The following DYNC1H1 variants were observed in gnomAD, a reference collection of about 807,000 sequenced individuals.
The protein encoded by DYNC1H1 is cytoplasmic dynein 1 heavy chain 1.
A neutral mutation model predicts 527.1 loss-of-function variants in DYNC1H1; 51 were observed. The ratio of observed to expected loss-of-function variants is 0.10; its 90% CI spans 0.08 to 0.12. The LOEUF is 0.12. Ranked by LOEUF, DYNC1H1 falls within the 10% of genes least tolerant of loss-of-function variation. The probability of loss-of-function intolerance (pLI) is 1.00; values close to 1 mark genes in which losing one functional copy is unlikely to be tolerated. For missense variants in DYNC1H1, 2,771 were observed against 5,971.8 expected (o/e 0.46, Z 17.66); for synonymous variants, 2,189 against 2,278.8 (o/e 0.96, Z 1.12).
rs756073959 is a variant in DYNC1H1 at position 102,041,397 on chromosome 14, C to T, written c.11942-177C>T. 19 of 940,778 alleles carry T rather than the reference C, an allele frequency of 2.0e-5. No homozygotes were observed. The highest frequency in any genetic ancestry group is 1.4e-4 in the Admixed American group (8 of 56,174). The allele number at this position is 940,778 out of a possible 1,614,324, so 58.3% of individuals were successfully genotyped here. On this transcript the variant is annotated intron_variant, in intron 64 of 77. Transcript: ENST00000360184. The surrounding 1 kb of genome is among the most constrained non-coding windows in gnomAD (Gnocchi z 4.5). ...CCAGGTAGTAAGGTGTTCTCACAGGCGTGTCCAGAGGGCTCACGGAAGGCA... is the reference window on the plus strand; with the variant it reads ...CCAGGTAGTAAGGTGTTCTCACAGGTGTGTCCAGAGGGCTCACGGAAGGCA...
intron 72 of DYNC1H1, among the ~76,000 whole-genome samples, chr14:102,046,930 C>T (rs1428602962): frequency 2.0e-5 from 3 of 151,904 alleles, no homozygotes; most frequent in African/African-American, 7.2e-5. Context: ...TTCCAAGTAG[C>T]TGGGACCACA....
At chr14:102,026,801 C>T in intron 44 of DYNC1H1, 94 bp downstream of exon 44, 1 of 1,531,734 alleles carries the variant, frequency 6.5e-7, no homozygotes, top group Non-Finnish European at 8.9e-7. Flanking sequence ...TGCTGTCCTA[C>T]CACCTCCACC....
At chr14:101,982,355 A>G (rs1444746383) in intron 5 of DYNC1H1, among the ~76,000 whole-genome samples, 1 of 152,134 alleles carries the variant, frequency 6.6e-6, no homozygotes, top group African/African-American at 2.4e-5. Flanking sequence ...GCACTTTGGG[A>G]GGCCTAGGCG....
In DYNC1H1 at chr14:101,965,262, A is replaced by G. The variant is rs1266256483; in HGVS notation, c.256+315A>G. Among the ~76,000 whole-genome samples the G allele has an allele frequency of 6.6e-6, 1 of 152,082 alleles. No individual in the cohort carries two copies. Among genetic ancestry groups the G allele is most frequent in the Non-Finnish European group, 1.5e-5 (1 of 67,998 alleles). ...GTCCCCGTCTGCCGTCACCCAAAACAATGGGGTCGCTTTGTCTGCTCGGGC... is the reference window on the plus strand; with the variant it reads ...GTCCCCGTCTGCCGTCACCCAAAACGATGGGGTCGCTTTGTCTGCTCGGGC... On this transcript the variant is annotated intron_variant, in intron 1 of 77. Coordinates refer to ENST00000360184, the MANE Select transcript of DYNC1H1 (RefSeq NM_001376.5). The surrounding 1 kb of genome is among the most constrained non-coding windows in gnomAD (Gnocchi z 4.1).
chr14:102,004,225 CAG>C (rs2048169798), intron 23 of DYNC1H1, among the ~76,000 whole-genome samples: 1 of 151,268 alleles, frequency 6.6e-6, no homozygotes, highest in South Asian at 2.1e-4. Flanking sequence ...GCCTGGGCGA[CAG>C]AGCAAGACTC....
chr14:102,039,480 C>T lies in DYNC1H1; in HGVS notation c.11529C>T (p.Asn3843=). Residue 3843 remains asparagine (N), a synonymous_variant, in exon 61 of 78, where the codon AAC becomes AAT. Transcript: ENST00000360184. The surrounding 1 kb of genome is among the most constrained non-coding windows in gnomAD (Gnocchi z 7.0). ...TTTATCACAACGTCCTATACGAGAA[C>T]CCGAACCTGAAGGGTGTCACCGACC... is the stretch of plus-strand genomic sequence containing the variant. ...LDIYHNVLYE[N]PNLKGVTDHT... 6.2e-7 allele frequency: 1 copy of T among 1,614,262 alleles called. No individual in the cohort carries two copies.
At position 102,029,424 on chromosome 14, in the gene DYNC1H1, C is replaced by T. The variant is rs17512649; in HGVS notation, c.9469-115C>T. ...AGGCCCGACTCGAGTGTTCTGGCCC[C>T]GAGGGCCAGGCTCCTTCTATCATGT... On this transcript the variant is annotated intron_variant, in intron 48 of 77. Coordinates refer to ENST00000360184, the MANE Select transcript of DYNC1H1 (RefSeq NM_001376.5). The surrounding 1 kb of genome is among the most constrained non-coding windows in gnomAD (Gnocchi z 5.3). 812 of 1,413,512 alleles carry T rather than the reference C, an allele frequency of 5.7e-4. 6 individuals carry two copies. In the African/African-American group the frequency reaches 9.9e-3, roughly 17 times the overall value. The allele number at this position is 1,413,512 out of a possible 1,614,324, so 87.6% of individuals were successfully genotyped here. A position where few individuals can be genotyped will look rare whatever the true frequency, so the allele number is the denominator to read the frequency against.
intron 1 of DYNC1H1, among the ~76,000 whole-genome samples, chr14:101,970,190 T>C (rs928953916): frequency 1.2e-4 from 18 of 152,290 alleles, no homozygotes; most frequent in Admixed American, 7.2e-4. Flanking sequence ...GGTTTCATGC[T>C]CTCTTCATAT....
At position 102,010,246 on chromosome 14, in the gene DYNC1H1, TA is replaced by T. The variant is rs772521587; in HGVS notation, c.6222-27del. ...ATTATTGCTTAAAGTATACTGTTAT[TA>T]AAGATAGCCTTTTTTTCTTCTTTTC... On this transcript the variant is annotated intron_variant, in intron 30 of 77. Transcript: ENST00000360184. The surrounding 1 kb of genome is among the most constrained non-coding windows in gnomAD (Gnocchi z 6.0). 2.5e-6 allele frequency: 4 copies of T among 1,613,652 alleles called. No homozygotes were observed. In the African/African-American group the frequency reaches 5.3e-5, roughly 22 times the overall value.
Position 102,004,654 on chromosome 14 carries a change from T to A in DYNC1H1, c.5020T>A (p.Leu1674Met). ...IILNEDNSVV[L>M]GISSREGEEV... ...CCTGAACGAGGATAACTCTGTTGTTTTGGGTATTTCATCTCGGGAAGGAGA... is the reference window on the plus strand; with the variant it reads ...CCTGAACGAGGATAACTCTGTTGTTATGGGTATTTCATCTCGGGAAGGAGA... The change falls in exon 24 of 78, where the codon TTG becomes ATG. Residue 1674 changes from leucine (L) to methionine (M), a missense_variant. By Grantham distance (15) the Leu-to-Met change is conservative. Coordinates refer to ENST00000360184, the MANE Select transcript of DYNC1H1 (RefSeq NM_001376.5). 1 of 1,614,242 alleles carries A rather than the reference T, an allele frequency of 6.2e-7. No individual in the cohort carries two copies. Among genetic ancestry groups the A allele is most frequent in the African/African-American group, 1.3e-5 (1 of 75,074 alleles).
At chr14:101,969,887 AAG>A (rs2047711746) in intron 1 of DYNC1H1, among the ~76,000 whole-genome samples, 1 of 152,242 alleles carries the variant, frequency 6.6e-6, no homozygotes, top group African/African-American at 2.4e-5. Context: ...TGGGAGCAGC[AAG>A]AGAGATTTAG....
rs760781374 is a variant in DYNC1H1 at position 102,049,710 on chromosome 14, A to G, written c.13516-4A>G. Reference sequence around the variant, plus strand: ...CTTCCCCTGGGGGCTGCTGCTTTCCACAGAACATCCACGTGTGCCTGGGTG... The same window carrying G: ...CTTCCCCTGGGGGCTGCTGCTTTCCGCAGAACATCCACGTGTGCCTGGGTG... On this transcript the variant is annotated splice_polypyrimidine_tract_variant and splice_region_variant and intron_variant, in intron 75 of 77. Coordinates refer to ENST00000360184, the MANE Select transcript of DYNC1H1 (RefSeq NM_001376.5). This position sits in a 1 kb window ranked among gnomAD's most constrained non-coding sequence, Gnocchi z 5.5. 6.2e-7 allele frequency: 1 copy of G among 1,613,898 alleles called. No individual in the cohort carries two copies. Among genetic ancestry groups the G allele is most frequent in the Non-Finnish European group, 8.5e-7 (1 of 1,180,022 alleles).
intron 72 of DYNC1H1, 172 bp from the exon 73 acceptor site, chr14:102,047,635 GTGTGTGTATA>G (rs1567024991): frequency 9.8e-5 from 39 of 398,354 alleles, no homozygotes; most frequent in Middle Eastern, 7.5e-4. Context: ...GTGTGTGTGT[GTGTGTGTATA>G]TATATATATA....
Position 102,002,507 on chromosome 14 carries a change from G to T in DYNC1H1, c.4543-30G>T. ...ATATCTGTGAGTAGAAGGGTCAGCA[G>T]TTTACCTCTCCCTCCTGTCTGCCCA... On this transcript the variant is annotated intron_variant, in intron 21 of 77. Coordinates refer to ENST00000360184, the MANE Select transcript of DYNC1H1 (RefSeq NM_001376.5). The surrounding 1 kb of genome is among the most constrained non-coding windows in gnomAD (Gnocchi z 4.4). The T allele has an allele frequency of 6.2e-7, 1 of 1,613,574 alleles. No homozygotes were observed. The highest frequency in any genetic ancestry group is 8.5e-7 in the Non-Finnish European group (1 of 1,179,774).
At chr14:101,970,936 G>A (rs1191111775) in intron 1 of DYNC1H1, among the ~76,000 whole-genome samples, 2 of 152,132 alleles carry the variant, frequency 1.3e-5, no homozygotes, top group East Asian at 1.9e-4. Context: ...AAGTTTGGAA[G>A]GAAGAGTACA....
intron 1 of DYNC1H1, among the ~76,000 whole-genome samples, chr14:101,973,285 A>G (rs1254233341): frequency 6.6e-6 from 1 of 151,492 alleles, no homozygotes; most frequent in Non-Finnish European, 1.5e-5. Flanking sequence ...CAACCTCCCA[A>G]ATAACTGAAA....
At chr14:102,040,738 A>T in intron 64 of DYNC1H1, 65 bp downstream of exon 64, 1 of 1,577,576 alleles carries the variant, frequency 6.3e-7, no homozygotes, top group Non-Finnish European at 8.7e-7. Flanking sequence ...GCTTAAAGGG[A>T]TGCTTTCAAA....
Position 101,964,709 on chromosome 14 carries a change from C to G in DYNC1H1, c.18C>G (p.Gly6=), listed in dbSNP as rs780854206. The G allele has an allele frequency of 6.3e-7, 1 of 1,594,648 alleles. No homozygotes were observed. The highest frequency in any genetic ancestry group is 1.1e-5 in the South Asian group (1 of 89,792). The part of the protein sequence containing the change: MSEPG[G]GGGEDGSAGL... ...GCGACACCATGTCGGAGCCCGGGGG[C>G]GGCGGCGGCGAGGACGGCTCGGCCG... Residue 6 remains glycine (G), a synonymous_variant, in exon 1 of 78, where the codon GGC becomes GGG. Coordinates refer to ENST00000360184, the MANE Select transcript of DYNC1H1 (RefSeq NM_001376.5). This position sits in a 1 kb window ranked among gnomAD's most constrained non-coding sequence, Gnocchi z 5.5.
In DYNC1H1 at chr14:102,027,993, A is replaced by G. The variant is rs1421623932; in HGVS notation, c.9320A>G (p.Lys3107Arg). 2 of 1,614,180 alleles carry G rather than the reference A, an allele frequency of 1.2e-6. No homozygotes were observed. Among genetic ancestry groups the G allele is most frequent in the Non-Finnish European group, 1.7e-6 (2 of 1,180,034 alleles). ...ACCGAAGCACTGTATCAGGTTGGCA[A>G]AGAATTCACAAGTAAGATGGATCTG... is the stretch of plus-strand genomic sequence containing the variant. ...WSTEALYQVG[K>R]EFTSKMDLEK... Residue 3107 changes from lysine to arginine, a missense_variant, in exon 48 of 78, where the codon AAA (lysine) becomes AGA (arginine). Lys to Arg is a conservative substitution (Grantham distance 26, BLOSUM62 2). This residue lies in a region of DYNC1H1 where 67 missense variants were observed against 128.2 expected (regional missense o/e 0.52). Coordinates refer to ENST00000360184, the MANE Select transcript of DYNC1H1 (RefSeq NM_001376.5). This position sits in a 1 kb window ranked among gnomAD's most constrained non-coding sequence, Gnocchi z 7.7.
Sources: allele counts gnomAD v4.1 joint callset (sites outside exome capture counted in the v4.1 genomes callset), GRCh38; gene constraint gnomAD v4.1.1; regional missense constraint gnomAD v4.1.1; non-coding constraint Gnocchi (gnomAD v3.1); transcripts MANE v1.5; gene names NCBI Gene and HGNC (gene_info 2026-07-23, HGNC 2026-07-21).